The following UGGT1 variants were observed in gnomAD, a reference collection of about 807,000 sequenced individuals.
UGGT1 encodes UDP-glucose glycoprotein glucosyltransferase 1, also known as UDP-glucose:glycoprotein glucosyltransferase 1.
UGGT1 carries 107 observed loss-of-function variants against 203.9 expected under a neutral mutation model. That is an observed-to-expected ratio of 0.52 (90% CI 0.45 to 0.62). The LOEUF (loss-of-function observed/expected upper bound fraction) is 0.62. Ranked by LOEUF, UGGT1 falls within the 20% of genes least tolerant of loss-of-function variation. The probability of loss-of-function intolerance (pLI) is 0.00; values close to 1 mark genes in which losing one functional copy is unlikely to be tolerated. For synonymous variants in UGGT1, 628 were observed against 653.5 expected (o/e 0.96, Z 0.59); for missense variants, 1,673 against 1,867.2 (o/e 0.90, Z 1.92).
intron 5 of UGGT1, among the ~76,000 whole-genome samples, chr2:128,112,454 T>TATATATATATATATATATATATA (rs1553433490): frequency 1.8e-5 from 1 of 55,806 alleles, no homozygotes; most frequent in African/African-American, 5.3e-5. Context: ...AAATACTATG[T>TATATATATATATATATATATATA]TATATATATA....
At chr2:128,168,296 A>T (rs1169596264) in intron 26 of UGGT1, among the ~76,000 whole-genome samples, 1 of 152,200 alleles carries the variant, frequency 6.6e-6, no homozygotes, top group Non-Finnish European at 1.5e-5. Flanking sequence ...TTGTTGTGTT[A>T]GAAGAATAAT....
At chr2:128,170,507 A>G (rs1205743606) in intron 27 of UGGT1, 117 bp downstream of exon 27, 5 of 785,534 alleles carry the variant, frequency 6.4e-6, no homozygotes, top group East Asian at 2.6e-5. Context: ...GGACAATGCT[A>G]TGGGGTTCTA....
At chr2:128,163,007 A>C (rs1558808652) in intron 25 of UGGT1, among the ~76,000 whole-genome samples, 1 of 152,198 alleles carries the variant, frequency 6.6e-6, no homozygotes, top group Non-Finnish European at 1.5e-5. Flanking sequence ...TCCCCGTGAC[A>C]GCCACAGCTA....
intron 3 of UGGT1, among the ~76,000 whole-genome samples, chr2:128,107,375 T>C (rs932473254): frequency 1.3e-5 from 2 of 152,232 alleles, no homozygotes; most frequent in African/African-American, 4.8e-5. Flanking sequence ...TTTAATACTG[T>C]GTAACTTCCT....
chr2:128,104,211 A>G (rs1687504736), intron 3 of UGGT1, among the ~76,000 whole-genome samples, 197 bp downstream of exon 3: 1 of 152,234 alleles, frequency 6.6e-6, no homozygotes, highest in Non-Finnish European at 1.5e-5. Context: ...CTTTGGCTAT[A>G]AGTGGTACCT....
intron 26 of UGGT1, 34 bp from the exon 27 acceptor site, chr2:128,170,254 T>C: frequency 1.9e-6 from 3 of 1,594,346 alleles, no homozygotes; most frequent in African/African-American, 1.3e-5. Context: ...TCCTGTGTCC[T>C]CCAGGTTAAT....
At chr2:128,108,930 G>A (rs868858455) in intron 4 of UGGT1, among the ~76,000 whole-genome samples, 9 of 151,682 alleles carry the variant, frequency 5.9e-5, no homozygotes, top group Middle Eastern at 3.2e-3. Context: ...TTTATTTTGT[G>A]ACACAGTCTC....
chr2:128,172,719 C>T lies in UGGT1; in HGVS notation c.3251C>T (p.Ser1084Phe). 8.1e-6 allele frequency: 13 copies of T among 1,614,114 alleles called. No individual in the cohort carries two copies. Among genetic ancestry groups the T allele is most frequent in the Non-Finnish European group, 1.1e-5 (13 of 1,180,016 alleles). Residue 1084 changes from serine (S) to phenylalanine (F), a missense_variant, in exon 29 of 41, where the codon TCT becomes TTT. Physicochemically the swap from Ser to Phe is radical, Grantham distance 155. Transcript: ENST00000259253. ...LNTPESWMVE[S>F]VRTPYDLDNI... Reference sequence around the variant, plus strand: ...ACACCTGAGAGCTGGATGGTAGAATCTGTCAGAACACCATATGATCTTGAT... The same window carrying T: ...ACACCTGAGAGCTGGATGGTAGAATTTGTCAGAACACCATATGATCTTGAT...
intron 31 of UGGT1, among the ~76,000 whole-genome samples, chr2:128,175,620 T>G (rs1691331180): frequency 6.6e-6 from 1 of 152,238 alleles, no homozygotes; most frequent in Non-Finnish European, 1.5e-5. Flanking sequence ...GAATTCTGTA[T>G]TATAATAACA....
rs1045392418 is a variant in UGGT1 at position 128,118,517 on chromosome 2, G to A, written c.873-1839G>A. Among the ~76,000 whole-genome samples, 25 of 152,008 alleles carry A rather than the reference G, an allele frequency of 1.6e-4. 1 individual carries two copies. The highest frequency in any genetic ancestry group is 1.6e-3 in the Admixed American group (25 of 15,248). On this transcript the variant is annotated intron_variant, in intron 8 of 40. Coordinates refer to ENST00000259253, the MANE Select transcript of UGGT1 (RefSeq NM_020120.4). ...TGGGTTCAAGTGATTGTCCTGCCTT[G>A]GCTTCCCAAAGTGTTAGAATTACAG...
chr2:128,160,863 C>T (rs1189819405), intron 24 of UGGT1, among the ~76,000 whole-genome samples: 7 of 152,010 alleles, frequency 4.6e-5, no homozygotes, highest in African/African-American at 1.7e-4. Context: ...CATAAAGTAG[C>T]CTTTGTTGTT....
intron 2 of UGGT1, among the ~76,000 whole-genome samples, chr2:128,103,492 A>G (rs1021342535): frequency 6.6e-6 from 1 of 152,164 alleles, no homozygotes; most frequent in Non-Finnish European, 1.5e-5. Flanking sequence ...TCTACGGTTC[A>G]TATTTTACTG....
At chr2:128,129,942 C>A (rs943662976) in intron 13 of UGGT1, among the ~76,000 whole-genome samples, 4 of 152,058 alleles carry the variant, frequency 2.6e-5, no homozygotes, top group Admixed American at 6.6e-5. Context: ...CTTTCTGAGC[C>A]TTTGTCTTGT....
chr2:128,173,255 T>C (rs895564818), intron 29 of UGGT1, among the ~76,000 whole-genome samples: 14 of 152,376 alleles, frequency 9.2e-5, no homozygotes, highest in Middle Eastern at 3.4e-3. Context: ...TATGGACATA[T>C]CACGTTTCAT....
intron 16 of UGGT1, among the ~76,000 whole-genome samples, chr2:128,139,264 C>G (rs1689291808): frequency 1.3e-5 from 2 of 152,086 alleles, no homozygotes; most frequent in Admixed American, 6.6e-5. Flanking sequence ...TATTTATGTA[C>G]TTTTTGAGAC....
At chr2:128,099,156 G>GT (rs1357323251) in intron 2 of UGGT1, among the ~76,000 whole-genome samples, 20 of 152,120 alleles carry the variant, frequency 1.3e-4, no homozygotes, top group African/African-American at 4.8e-4. Context: ...TTTTTTGAGA[G>GT]TTTTTGAGAC....
At chr2:128,115,334 C>A in intron 7 of UGGT1, 114 bp downstream of exon 7, 2 of 925,622 alleles carry the variant, frequency 2.2e-6, no homozygotes, top group Non-Finnish European at 3.3e-6. Context: ...TGTTTGCATC[C>A]TGGTTCTGTT....
chr2:128,101,278 G>T (rs1443662235), intron 2 of UGGT1, among the ~76,000 whole-genome samples: 1 of 152,146 alleles, frequency 6.6e-6, no homozygotes. Context: ...TAAGGATGAA[G>T]GGTCAAAATA....
In UGGT1 at chr2:128,185,312, G is replaced by A. The variant is rs573660812; in HGVS notation, c.4360-1371G>A. 1.9e-4 allele frequency among the ~76,000 whole-genome samples: 29 copies of A among 148,994 alleles called. 1 individual carries two copies. The South Asian group carries it at 4.1e-3, about 21-fold the overall frequency. On this transcript the variant is annotated intron_variant, in intron 38 of 40. Coordinates refer to ENST00000259253, the MANE Select transcript of UGGT1 (RefSeq NM_020120.4). ...CCTCCCGAGCAGGTGGGATTACAGA[G>A]GCGTGCCACCACACCCAGCTAATTT...
Sources: allele counts gnomAD v4.1 joint callset (sites outside exome capture counted in the v4.1 genomes callset), GRCh38; gene constraint gnomAD v4.1.1; transcripts MANE v1.5; gene names NCBI Gene and HGNC (gene_info 2026-07-23, HGNC 2026-07-21).